The following ATAD2B variants were observed in gnomAD, a reference collection of about 807,000 sequenced individuals.
ATAD2B encodes ATPase family AAA domain-containing protein 2B.
In ATAD2B, 40 loss-of-function variants were observed where a neutral mutation model predicts 167.6. That is an observed-to-expected ratio of 0.24 (90% CI 0.19 to 0.31). ATAD2B has a LOEUF of 0.31. Among genes scored for constraint, ATAD2B ranks in the 10% least tolerant of loss-of-function variants. ATAD2B has a pLI of 1.00. For missense variants in ATAD2B, 1,242 were observed against 1,757.2 expected (o/e 0.71, Z 5.24); for synonymous variants, 579 against 596.5 (o/e 0.97, Z 0.43).
chr2:23,849,178 G>C (rs1308052684), intron 13 of ATAD2B, among the ~76,000 whole-genome samples: 1 of 152,020 alleles, frequency 6.6e-6, no homozygotes, highest in Admixed American at 6.5e-5. Context: ...AAAATTAAGA[G>C]ACAATGCAAT....
intron 24 of ATAD2B, among the ~76,000 whole-genome samples, chr2:23,760,751 TAC>T (rs202241182): frequency 3.5e-4 from 35 of 100,272 alleles, no homozygotes; most frequent in African/African-American, 6.8e-4. Context: ...CACACACACA[TAC>T]ACACACACAC....
chr2:23,739,669 A>C, the ATAD2B span, among the ~76,000 whole-genome samples: 1 of 152,218 alleles, frequency 6.6e-6, no homozygotes, highest in Non-Finnish European at 1.5e-5. Flanking sequence ...ACACATTCAA[A>C]AGCTAGCAGA....
chr2:23,760,713 C>CACACACACATATAT (rs1676586265), intron 24 of ATAD2B, among the ~76,000 whole-genome samples: 4 of 141,454 alleles, frequency 2.8e-5, no homozygotes, highest in African/African-American at 1.1e-4. Context: ...CACACACACA[C>CACACACACATATAT]ACACACACAC....
chr2:23,755,728 A>G (rs1350511245), intron 25 of ATAD2B, among the ~76,000 whole-genome samples: 1 of 152,166 alleles, frequency 6.6e-6, no homozygotes, highest in African/African-American at 2.4e-5. Context: ...CCTCCTTCTC[A>G]ATGCCTGCTT....
intron 18 of ATAD2B, chr2:23,806,199 T>TA (rs1457823654): frequency 1.3e-5 from 2 of 152,220 alleles, no homozygotes; most frequent in African/African-American, 2.4e-5. Context: ...ACTTTTATAG[T>TA]TCCACTGCCC....
In ATAD2B at chr2:23,865,638, G is replaced by C. The variant is rs554950996; in HGVS notation, c.1189-714C>G. Among the ~76,000 whole-genome samples, 63 of 152,186 alleles carry C rather than the reference G, an allele frequency of 4.1e-4. No individual in the cohort carries two copies. The South Asian group carries it at 0.013, about 32-fold the overall frequency. On this transcript the variant is annotated intron_variant, in intron 10 of 27. Transcript: ENST00000238789. ...TCACAGAGGCAAAAATTGGTTCAAG[G>C]GTAGGGCAAGAAAAAATCTTAGCTA... is the stretch of plus-strand genomic sequence containing the variant.
In ATAD2B at chr2:23,786,229, G is replaced by GA; in HGVS notation, c.2777-7dup. 1.3e-6 allele frequency: 2 copies of GA among 1,552,938 alleles called. No individual in the cohort carries two copies. Among genetic ancestry groups the GA allele is most frequent in the South Asian group, 2.4e-5 (2 of 83,096 alleles). ...CACTTCCATAGCACAAAGAGCTAGAGAAAACAGAAGAAAATGTTAAGATTC... is the reference window on the plus strand; with the variant it reads ...CACTTCCATAGCACAAAGAGCTAGAGAAAAACAGAAGAAAATGTTAAGATTC... On this transcript the variant is annotated splice_polypyrimidine_tract_variant and splice_region_variant and intron_variant, in intron 20 of 27. Transcript: ENST00000238789.
At chr2:23,807,423 G>T (rs917259906) in intron 18 of ATAD2B, among the ~76,000 whole-genome samples, 1 of 152,128 alleles carries the variant, frequency 6.6e-6, no homozygotes, top group African/African-American at 2.4e-5. Flanking sequence ...TTGATCAGAA[G>T]ACTGAAGATA....
chr2:23,794,295 C>T (rs140976554), intron 19 of ATAD2B, among the ~76,000 whole-genome samples: 167 of 152,336 alleles, frequency 1.1e-3, no homozygotes, highest in Admixed American at 3.6e-3. Flanking sequence ...CAGGCATGGG[C>T]CACCACATCC....
At chr2:23,706,410 C>A in the ATAD2B span, 1 of 1,235,976 alleles carries the variant, frequency 8.1e-7, no homozygotes, top group Non-Finnish European at 1.1e-6. Context: ...CAGGACACGA[C>A]GTTGAGAACC....
intron 23 of ATAD2B, among the ~76,000 whole-genome samples, chr2:23,765,197 C>A (rs967186447): frequency 1.3e-5 from 2 of 152,132 alleles, no homozygotes; most frequent in African/African-American, 4.8e-5. Context: ...AAAAATAAAA[C>A]CTTTTCATAT....
chr2:23,702,332 G>A, the ATAD2B span, among the ~76,000 whole-genome samples: 2 of 152,124 alleles, frequency 1.3e-5, no homozygotes, highest in African/African-American at 4.8e-5. Context: ...GCCTACAGCT[G>A]GGCAAAAGCA....
At chr2:23,890,863 T>G (rs1041870960) in intron 2 of ATAD2B, among the ~76,000 whole-genome samples, 6 of 152,156 alleles carry the variant, frequency 3.9e-5, no homozygotes, top group African/African-American at 7.2e-5. Context: ...TAATGAAAGA[T>G]CTGTTTTAAG....
chr2:23,879,304 C>G (rs1210743186), intron 7 of ATAD2B, among the ~76,000 whole-genome samples: 1 of 144,528 alleles, frequency 6.9e-6, no homozygotes, highest in Non-Finnish European at 1.5e-5. Context: ...TGCTATTCAG[C>G]AAAAGAAAAA....
chr2:23,770,655 C>T (rs1678188582), intron 22 of ATAD2B, among the ~76,000 whole-genome samples: 1 of 152,208 alleles, frequency 6.6e-6, no homozygotes, highest in Non-Finnish European at 1.5e-5. Context: ...AATTGACCCT[C>T]TATGTGTGCA....
At position 23,765,383 on chromosome 2, in the gene ATAD2B, A is replaced by G; in HGVS notation, c.3256+123T>C. The G allele has an allele frequency of 4.8e-6, 4 of 838,164 alleles. No individual in the cohort carries two copies. The South Asian group carries it at 1.3e-4, about 28-fold the overall frequency. The allele number at this position is 838,164 out of a possible 1,614,324, so 51.9% of individuals were successfully genotyped here. On this transcript the variant is annotated intron_variant, in intron 23 of 27. Coordinates refer to ENST00000238789, the MANE Select transcript of ATAD2B (RefSeq NM_017552.4). ...ACATAACACATTAGTATCAGAAATT[A>G]AATAAATACATTAAATACATTACTT...
At position 23,799,581 on chromosome 2, in the gene ATAD2B, AAAAAAAAAG is replaced by A. The variant is rs1314871661; in HGVS notation, c.2455-1267_2455-1259del. On this transcript the variant is annotated intron_variant, in intron 18 of 27. Transcript: ENST00000238789. The stretch of plus-strand genomic sequence containing the variant: ...GTGAGACTCCATCTCAAAAAAAAAA[AAAAAAAAAG>A]AAAAGAAAAATTTAATATTTAAAAT... Among the ~76,000 whole-genome samples the A allele has an allele frequency of 4.4e-3, 657 of 150,586 alleles. 5 individuals are homozygous for A. Among genetic ancestry groups the A allele is most frequent in the African/African-American group, 0.014 (568 of 41,048 alleles).
the ATAD2B span, among the ~76,000 whole-genome samples, chr2:23,704,878 T>C: frequency 6.6e-6 from 1 of 152,248 alleles, no homozygotes; most frequent in South Asian, 2.1e-4. Flanking sequence ...AGTGTGGGAA[T>C]AGCATGAAGT....
chr2:23,769,846 G>A (rs552332707), intron 22 of ATAD2B, among the ~76,000 whole-genome samples: 3 of 150,604 alleles, frequency 2.0e-5, no homozygotes, highest in Non-Finnish European at 3.0e-5. Context: ...ACCCCACCCA[G>A]CTGATTTTTG....
Sources: gnomAD v4.1 joint callset for allele counts (sites outside exome capture counted in the v4.1 genomes callset) on GRCh38, gnomAD v4.1.1 for gene constraint, MANE v1.5 for transcripts, NCBI Gene and HGNC (gene_info 2026-07-23, HGNC 2026-07-21) for gene names.